Variants in SGCZ observed in about 807,000 individuals in gnomAD.
SGCZ encodes the protein zeta-sarcoglycan.
SGCZ carries 40 observed loss-of-function variants against 41.3 expected under a neutral mutation model. The ratio of observed to expected loss-of-function variants is 0.97; its 90% CI spans 0.75 to 1.26. The LOEUF is 1.26. Among genes scored for constraint, SGCZ ranks in the 50% most tolerant of loss-of-function variants. The pLI is 0.00. For missense variants in SGCZ, 552 were observed against 369.8 expected (o/e 1.49, Z -4.04); for synonymous variants, 206 against 137.5 (o/e 1.50, Z -3.49).
At chr8:14,368,708 C>T (rs1446313388) in intron 2 of SGCZ, among the ~76,000 whole-genome samples, 1 of 151,484 alleles carries the variant, frequency 6.6e-6, no homozygotes, top group Non-Finnish European at 1.5e-5. Flanking sequence ...CAGATACATC[C>T]TAAGTCTGCA....
chr8:15,015,605 G>A (rs559296113), intron 1 of SGCZ, among the ~76,000 whole-genome samples: 222 of 147,246 alleles, frequency 1.5e-3, no homozygotes, highest in African/African-American at 5.0e-3. Context: ...GGAGAATGGC[G>A]TGAACCCGGG....
chr8:14,401,391 C>T (rs1799069795), intron 2 of SGCZ, among the ~76,000 whole-genome samples: 1 of 149,248 alleles, frequency 6.7e-6, no homozygotes, highest in East Asian at 2.0e-4. Context: ...CACCCAATAA[C>T]TCGTCATCTA....
rs1348332576 is a variant in SGCZ, at chr8:14,087,642, T to C, written c.*2801A>G. Among the ~76,000 whole-genome samples, 2 of 151,640 alleles carry C rather than the reference T, an allele frequency of 1.3e-5. No individual in the cohort carries two copies. The highest frequency in any genetic ancestry group is 4.8e-5 in the African/African-American group (2 of 41,352). ...TAAACTGCATTTTATTTATACATAT[T>C]GTAACATAAAGATGGTACTGGGAAA... On this transcript the variant is annotated 3_prime_UTR_variant, in exon 8 of 8. Coordinates refer to ENST00000382080, the MANE Select transcript of SGCZ (RefSeq NM_139167.4).
intron 2 of SGCZ, among the ~76,000 whole-genome samples, chr8:14,534,436 C>T (rs1803232719): frequency 6.6e-6 from 1 of 151,966 alleles, no homozygotes; most frequent in Non-Finnish European, 1.5e-5. Context: ...TAGTTTCTAG[C>T]ATTGTCATCT....
intron 4 of SGCZ, among the ~76,000 whole-genome samples, chr8:14,205,475 T>C (rs1477365480): frequency 6.6e-6 from 1 of 152,202 alleles, no homozygotes; most frequent in African/African-American, 2.4e-5. Context: ...GTTTTTTTAT[T>C]TTTGCAAAAC....
intron 1 of SGCZ, among the ~76,000 whole-genome samples, chr8:14,817,269 G>T (rs1482306979): frequency 3.9e-5 from 6 of 152,080 alleles, no homozygotes; most frequent in Non-Finnish European, 8.8e-5. Flanking sequence ...GATCAGCTCA[G>T]CATCATGGAG....
At chr8:14,706,680 G>A (rs1004292494) in intron 1 of SGCZ, among the ~76,000 whole-genome samples, 1 of 152,120 alleles carries the variant, frequency 6.6e-6, no homozygotes, top group Non-Finnish European at 1.5e-5. Context: ...AGCAATGGTA[G>A]AAGCAAACAC....
intron 3 of SGCZ, among the ~76,000 whole-genome samples, chr8:14,276,915 C>G (rs1021030585): frequency 2.0e-5 from 3 of 152,118 alleles, no homozygotes; most frequent in African/African-American, 7.2e-5. Context: ...CACCAAGTAA[C>G]CAATGGAAAC....
At chr8:14,604,998 T>C (rs1032643816) in intron 1 of SGCZ, among the ~76,000 whole-genome samples, 7 of 152,220 alleles carry the variant, frequency 4.6e-5, no homozygotes, top group Admixed American at 1.3e-4. Context: ...ACTGTCTGCT[T>C]TTACATTCAG....
At chr8:14,390,361 T>C (rs1333803411) in intron 2 of SGCZ, among the ~76,000 whole-genome samples, 2 of 151,864 alleles carry the variant, frequency 1.3e-5, no homozygotes, top group Admixed American at 1.3e-4. Context: ...ATCAACTGTG[T>C]TCTAATAATT....
At chr8:14,764,616 G>A (rs1799986795) in intron 1 of SGCZ, among the ~76,000 whole-genome samples, 1 of 152,114 alleles carries the variant, frequency 6.6e-6, no homozygotes, top group Non-Finnish European at 1.5e-5. Context: ...AAAAATGTCA[G>A]TGTTATGAGA....
intron 2 of SGCZ, among the ~76,000 whole-genome samples, chr8:14,331,369 T>C (rs1377108445): frequency 6.6e-6 from 1 of 152,090 alleles, no homozygotes; most frequent in Non-Finnish European, 1.5e-5. Flanking sequence ...AAGCATGTGG[T>C]TTATGCTGTG....
intron 1 of SGCZ, among the ~76,000 whole-genome samples, chr8:14,680,062 T>A (rs117842844): frequency 6.6e-6 from 1 of 152,048 alleles, no homozygotes; most frequent in African/African-American, 2.4e-5. Context: ...ATTTGCACAA[T>A]GATGAAATTG....
chr8:14,766,706 C>A (rs956488031), intron 1 of SGCZ, among the ~76,000 whole-genome samples: 1 of 150,176 alleles, frequency 6.7e-6, no homozygotes, highest in African/African-American at 2.4e-5. Flanking sequence ...GGACCACAGG[C>A]ACCTGTCACC....
intron 1 of SGCZ, among the ~76,000 whole-genome samples, chr8:14,950,323 C>T (rs1438458253): frequency 6.6e-6 from 1 of 151,806 alleles, no homozygotes; most frequent in East Asian, 1.9e-4. Context: ...GTATCTCCCT[C>T]CCTCTTTGTC....
At chr8:15,219,029 C>T (rs922817490) in intron 1 of SGCZ, among the ~76,000 whole-genome samples, 2 of 152,146 alleles carry the variant, frequency 1.3e-5, no homozygotes, top group Non-Finnish European at 2.9e-5. Context: ...CCAACAAACA[C>T]GCTGTAAATC....
chr8:14,380,687 A>G (rs781523706), intron 2 of SGCZ, among the ~76,000 whole-genome samples: 2 of 152,118 alleles, frequency 1.3e-5, no homozygotes, highest in African/African-American at 4.8e-5. Context: ...CCCAGTCTCT[A>G]TGAAAAATAG....
intron 5 of SGCZ, among the ~76,000 whole-genome samples, chr8:14,158,613 T>A (rs1441132550): frequency 6.6e-6 from 1 of 152,150 alleles, no homozygotes; most frequent in Non-Finnish European, 1.5e-5. Flanking sequence ...TGAGAGGAAT[T>A]TGACTTACTG....
intron 1 of SGCZ, among the ~76,000 whole-genome samples, chr8:14,611,580 G>A (rs571017541): frequency 6.6e-6 from 1 of 152,066 alleles, no homozygotes; most frequent in Non-Finnish European, 1.5e-5. Context: ...TTTGTCCTTT[G>A]CTGGAAAACA....
Sources: allele counts gnomAD v4.1 joint callset (sites outside exome capture counted in the v4.1 genomes callset), GRCh38; gene constraint gnomAD v4.1.1; transcripts MANE v1.5; gene names NCBI Gene and HGNC (gene_info 2026-07-23, HGNC 2026-07-21).